The following SHLD1 variants were observed in gnomAD, a reference collection of about 807,000 sequenced individuals.
SHLD1 encodes shieldin complex subunit 1, also known as RINN1-REV7-interacting novel NHEJ regulator 3.
A neutral mutation model predicts 5.5 loss-of-function variants in SHLD1; 3 were observed. The ratio of observed to expected loss-of-function variants is 0.54; its 90% confidence interval spans 0.25 to 1.40. SHLD1 has a LOEUF of 1.40. Ranked by LOEUF, SHLD1 falls within the 40% of genes most tolerant of loss-of-function variation. The pLI, the probability that SHLD1 is intolerant of heterozygous loss-of-function variation, is 0.15. For missense variants in SHLD1, 210 were observed against 244.4 expected, an observed-to-expected ratio of 0.86 and a Z score of 0.94; for synonymous variants, 92 against 94.3, an observed-to-expected ratio of 0.98 and a Z score of 0.14.
In SHLD1 at chr20:5,750,497, T is replaced by TGGGGC. The variant is rs1555766043; in HGVS notation, c.-5+22_-5+23insCGGGG. 2.8e-5 allele frequency: 1 copy of TGGGGC among 35,818 alleles called. No homozygotes were observed. The highest frequency in any genetic ancestry group is 8.3e-5 in the African/African-American group (1 of 12,052). The allele number at this position is 35,818 out of a possible 1,614,324, so 2.2% of individuals were successfully genotyped here. On this transcript the variant is annotated intron_variant, in intron 1 of 2. Transcript: ENST00000303142. ...GAGGAGAGGTAAGCGCGGGATGGGATGGGGGGGGGTTGGAGTGGTGGGGGC... is the reference window on the plus strand; with the variant it reads ...GAGGAGAGGTAAGCGCGGGATGGGATGGGGCGGGGGGGGGTTGGAGTGGTGGGGGC...
At position 5,863,337 on chromosome 20, in the gene SHLD1, C is replaced by G. The variant is rs138963473; in HGVS notation, c.492C>G (p.Ser164=). ...RDGCSVLQRH[S]RDTHFYPLEE... ...GCTGCTCCGTCTTACAGAGGCATTC[C>G]AGGGACACCCACTTCTACCCACTGG... is the stretch of plus-strand genomic sequence containing the variant. Residue 164 remains serine (S), a synonymous_variant, in exon 3 of 3, where the codon TCC becomes TCG. Coordinates refer to ENST00000303142, the MANE Select transcript of SHLD1 (RefSeq NM_152504.4). 4.5e-4 allele frequency: 731 copies of G among 1,614,234 alleles called. 2 individuals carry two copies. Among genetic ancestry groups the G allele is most frequent in the Non-Finnish European group, 5.8e-4 (686 of 1,180,042 alleles).
chr20:5,765,182 C>T (rs1984757992), intron 1 of SHLD1: 1 of 152,006 alleles, frequency 6.6e-6, no homozygotes, highest in Admixed American at 6.6e-5. Context: ...GCTGGGACTA[C>T]AGGTGTGAGC....
chr20:5,840,716 A>G lies in SHLD1; in HGVS notation c.179-22308A>G, dbSNP rs796347000. On this transcript the variant is annotated intron_variant, in intron 2 of 2. Coordinates refer to ENST00000303142, the MANE Select transcript of SHLD1 (RefSeq NM_152504.4). The stretch of plus-strand genomic sequence containing the variant: ...AAGTAATTCCTAAAAGCTAGGCCTA[A>G]AGTCCATTTCTGCAGCTCTCCTAAC... 4.6e-5 allele frequency among the ~76,000 whole-genome samples: 7 copies of G among 152,188 alleles called. No individual in the cohort carries two copies. In the South Asian group the frequency reaches 1.0e-3, roughly 23 times the overall value.
intron 2 of SHLD1, among the ~76,000 whole-genome samples, chr20:5,842,207 T>C (rs2087872129): frequency 6.6e-6 from 1 of 152,210 alleles, no homozygotes; most frequent in East Asian, 1.9e-4. Flanking sequence ...ATTAAATAGA[T>C]GTGTCACTAA....
chr20:5,789,382 G>A (rs758739461), intron 2 of SHLD1, among the ~76,000 whole-genome samples: 6 of 151,854 alleles, frequency 4.0e-5, no homozygotes, highest in Non-Finnish European at 8.8e-5. Context: ...TTTGAGACCA[G>A]CCTGGCCAAC....
In SHLD1 at chr20:5,757,424, G is replaced by A. The variant is rs185146379; in HGVS notation, c.-5+6945G>A. Among the ~76,000 whole-genome samples, 3 of 151,466 alleles carry A rather than the reference G, an allele frequency of 2.0e-5. No individual in the cohort carries two copies. In the East Asian group the frequency reaches 5.8e-4, roughly 29 times the overall value. On this transcript the variant is annotated intron_variant, in intron 1 of 2. Transcript: ENST00000303142. ...TTAGCAACCTACTTGATAAACTATGGGTTTTTCAAAAATGCCCTTTATCAG... is the reference window on the plus strand; with the variant it reads ...TTAGCAACCTACTTGATAAACTATGAGTTTTTCAAAAATGCCCTTTATCAG...
At chr20:5,808,490 A>T (rs185716502) in intron 2 of SHLD1, among the ~76,000 whole-genome samples, 2 of 152,182 alleles carry the variant, frequency 1.3e-5, no homozygotes, top group Non-Finnish European at 2.9e-5. Flanking sequence ...ATTATCTTGC[A>T]TCTTGCCCTT....
At chr20:5,768,671 C>T (rs1984980186) in intron 1 of SHLD1, among the ~76,000 whole-genome samples, 1 of 152,196 alleles carries the variant, frequency 6.6e-6, no homozygotes, top group South Asian at 2.1e-4. Flanking sequence ...GACATTTTTC[C>T]TCCTAGCTTT....
intron 2 of SHLD1, among the ~76,000 whole-genome samples, chr20:5,803,889 A>G (rs1355647018): frequency 7.8e-6 from 1 of 128,834 alleles, no homozygotes; most frequent in Non-Finnish European, 1.7e-5. Context: ...AAAAAAGATT[A>G]AAAAAAAAAA....
intron 2 of SHLD1, among the ~76,000 whole-genome samples, chr20:5,808,322 A>G (rs2087411066): frequency 6.6e-6 from 1 of 152,162 alleles, no homozygotes; most frequent in Non-Finnish European, 1.5e-5. Flanking sequence ...AGAAGTAATT[A>G]TTGTAGATAA....
At chr20:5,828,688 G>A (rs1354877513) in intron 2 of SHLD1, among the ~76,000 whole-genome samples, 1 of 152,162 alleles carries the variant, frequency 6.6e-6, no homozygotes, top group African/African-American at 2.4e-5. Flanking sequence ...CTGATTTGCA[G>A]TTTCTTAAAT....
intron 2 of SHLD1, among the ~76,000 whole-genome samples, chr20:5,807,358 T>C (rs2087392489): frequency 6.6e-6 from 1 of 151,932 alleles, no homozygotes; most frequent in South Asian, 2.1e-4. Flanking sequence ...TTCCTTCTTT[T>C]CTTTCTCTCT....
At chr20:5,784,149 T>TAAA (rs11438574) in intron 2 of SHLD1, among the ~76,000 whole-genome samples, 1 of 140,310 alleles carries the variant, frequency 7.1e-6, no homozygotes, top group African/African-American at 2.6e-5. Flanking sequence ...GAGACTGTCT[T>TAAA]AAAAAAAAAA....
At chr20:5,802,992 C>G (rs2087317747) in intron 2 of SHLD1, among the ~76,000 whole-genome samples, 2 of 152,170 alleles carry the variant, frequency 1.3e-5, no homozygotes, top group East Asian at 1.9e-4. Flanking sequence ...TTCCATCTGG[C>G]TTGATTACCA....
At chr20:5,844,649 T>G (rs2087905077) in intron 2 of SHLD1, among the ~76,000 whole-genome samples, 1 of 152,008 alleles carries the variant, frequency 6.6e-6, no homozygotes, top group South Asian at 2.1e-4. Context: ...CCTTCAACTC[T>G]AATGCCAGGA....
intron 1 of SHLD1, among the ~76,000 whole-genome samples, chr20:5,759,626 T>G (rs562453404): frequency 1.1e-4 from 16 of 152,052 alleles, no homozygotes; most frequent in Non-Finnish European, 2.2e-4. Context: ...CTCGACCTCC[T>G]GAGCTCAAGT....
Position 5,803,898 on chromosome 20 carries a change from AAAC to A in SHLD1, c.178+30858_178+30860del, listed in dbSNP as rs1490489417. Among the ~76,000 whole-genome samples, 169 of 142,016 alleles carry A rather than the reference AAAC, an allele frequency of 1.2e-3. 2 individuals are homozygous for A. The highest frequency in any genetic ancestry group is 3.7e-3 in the African/African-American group (142 of 38,118). The allele number at this position is 142,016 out of a possible 152,430, so 93.2% of individuals were successfully genotyped here. On this transcript the variant is annotated intron_variant, in intron 2 of 2. Coordinates refer to ENST00000303142, the MANE Select transcript of SHLD1 (RefSeq NM_152504.4). ...AAAAATAAAAAAGATTAAAAAAAAA[AAAC>A]AAAACAAGAATGACGAAAGAGCAGG...
At chr20:5,778,953 A>T (rs909580757) in intron 2 of SHLD1, among the ~76,000 whole-genome samples, 1 of 152,156 alleles carries the variant, frequency 6.6e-6, no homozygotes, top group Admixed American at 6.6e-5. Flanking sequence ...CTGTAATCCC[A>T]GCACTTTGGG....
intron 2 of SHLD1, among the ~76,000 whole-genome samples, chr20:5,856,483 A>G (rs1431082866): frequency 2.0e-5 from 3 of 151,676 alleles, no homozygotes; most frequent in Non-Finnish European, 4.4e-5. Context: ...TAGAAGAAGG[A>G]ATGAAGGAGA....
Sources: gnomAD v4.1 joint callset for allele counts (sites outside exome capture counted in the v4.1 genomes callset) on GRCh38, gnomAD v4.1.1 for gene constraint, MANE v1.5 for transcripts, NCBI Gene and HGNC (gene_info 2026-07-23, HGNC 2026-07-21) for gene names.